Variants in CHST11 observed in about 807,000 individuals in gnomAD.
The protein encoded by CHST11 is carbohydrate sulfotransferase 11, also known as C4S-1.
In CHST11, 9 loss-of-function variants were observed where a neutral mutation model predicts 30.4. The ratio of observed to expected loss-of-function variants is 0.30; its 90% confidence interval spans 0.18 to 0.52. CHST11 has a LOEUF of 0.52. CHST11 is among the 20% of genes least tolerant of loss of function. CHST11 has a pLI of 0.97. For missense variants in CHST11, 348 were observed against 460.6 expected (o/e 0.76, Z 2.24); for synonymous variants, 152 against 187.8 (o/e 0.81, Z 1.56).
intron 2 of CHST11, among the ~76,000 whole-genome samples, chr12:104,670,564 C>CACCCACACATGCACTCACACTCAT (rs1386398343): frequency 1.3e-5 from 2 of 151,686 alleles, no homozygotes; most frequent in African/African-American, 4.9e-5. Flanking sequence ...CACACATACA[C>CACCCACACATGCACTCACACTCAT]ACCCACACAT....
intron 2 of CHST11, among the ~76,000 whole-genome samples, chr12:104,742,245 C>T (rs751143595): frequency 2.0e-5 from 3 of 152,096 alleles, no homozygotes; most frequent in Non-Finnish European, 4.4e-5. Context: ...GGGAAGAGAA[C>T]CAATGAAGCC....
chr12:104,721,197 C>G (rs2040173222), intron 2 of CHST11, among the ~76,000 whole-genome samples: 1 of 152,212 alleles, frequency 6.6e-6, no homozygotes, highest in Non-Finnish European at 1.5e-5. Flanking sequence ...CATCAGGCAT[C>G]ACAGATTTAA....
chr12:104,612,392 A>G (rs2039068709), intron 2 of CHST11, among the ~76,000 whole-genome samples: 1 of 152,120 alleles, frequency 6.6e-6, no homozygotes, highest in African/African-American at 2.4e-5. Flanking sequence ...TCATCTTCAC[A>G]TGGTGCTCCC....
chr12:104,650,018 C>T (rs1359795529), intron 2 of CHST11, among the ~76,000 whole-genome samples: 4 of 152,182 alleles, frequency 2.6e-5, no homozygotes, highest in African/African-American at 9.7e-5. Flanking sequence ...ATTTCCCCCA[C>T]AGTGCAGATG....
At chr12:104,501,852 C>A (rs2037856542) in intron 1 of CHST11, among the ~76,000 whole-genome samples, 1 of 152,172 alleles carries the variant, frequency 6.6e-6, no homozygotes, top group African/African-American at 2.4e-5. Context: ...ATCCAGTAAA[C>A]CCTGGCTTCA....
At chr12:104,698,482 T>C (rs2039966399) in intron 2 of CHST11, among the ~76,000 whole-genome samples, 2 of 152,216 alleles carry the variant, frequency 1.3e-5, no homozygotes, top group South Asian at 4.1e-4. Flanking sequence ...GTTATCTACC[T>C]ATCATCACCT....
At chr12:104,505,125 C>T (rs1016157058) in intron 1 of CHST11, among the ~76,000 whole-genome samples, 33 of 152,190 alleles carry the variant, frequency 2.2e-4, no homozygotes, top group African/African-American at 8.0e-4. Context: ...CCACAAACCC[C>T]AGATTTATGC....
chr12:104,594,932 G>A (rs1426117457), intron 1 of CHST11, among the ~76,000 whole-genome samples: 1 of 152,218 alleles, frequency 6.6e-6, no homozygotes, highest in Non-Finnish European at 1.5e-5. Flanking sequence ...GGATGACAGA[G>A]CGAGACACTG....
intron 2 of CHST11, among the ~76,000 whole-genome samples, chr12:104,634,551 G>T (rs527566213): frequency 6.6e-6 from 1 of 152,132 alleles, no homozygotes; most frequent in Non-Finnish European, 1.5e-5. Context: ...TTTCCAAACC[G>T]CTCCTCGAGG....
At chr12:104,533,111 C>G (rs1453426401) in intron 1 of CHST11, among the ~76,000 whole-genome samples, 1 of 152,132 alleles carries the variant, frequency 6.6e-6, no homozygotes, top group African/African-American at 2.4e-5. Flanking sequence ...CCCAATTACT[C>G]AAACCCCTAT....
chr12:104,672,621 C>T (rs989560960), intron 2 of CHST11, among the ~76,000 whole-genome samples: 2 of 152,174 alleles, frequency 1.3e-5, no homozygotes, highest in Admixed American at 6.5e-5. Flanking sequence ...AAAGGGACCT[C>T]GGGAGGAGTA....
chr12:104,648,797 G>A (rs2039462196), intron 2 of CHST11, among the ~76,000 whole-genome samples: 2 of 152,054 alleles, frequency 1.3e-5, no homozygotes, highest in Admixed American at 6.5e-5. Flanking sequence ...CTGGACAACA[G>A]AGCGAGACTC....
chr12:104,650,145 A>G (rs2695999), intron 2 of CHST11, among the ~76,000 whole-genome samples: 23,978 of 152,218 alleles, frequency 0.16, 2,013 homozygotes, highest in Non-Finnish European at 0.17. Context: ...TACCTACTCT[A>G]TCTTCAGCAC....
At chr12:104,476,287 A>G (rs2037562339) in intron 1 of CHST11, among the ~76,000 whole-genome samples, 1 of 150,530 alleles carries the variant, frequency 6.6e-6, no homozygotes, top group Non-Finnish European at 1.5e-5. Context: ...TGTAGTATAT[A>G]CACATATGTG....
At chr12:104,522,672 T>C (rs1814062672) in intron 1 of CHST11, among the ~76,000 whole-genome samples, 1 of 152,178 alleles carries the variant, frequency 6.6e-6, no homozygotes, top group East Asian at 1.9e-4. Context: ...GGTGGAGGGC[T>C]GGTCTTGCTA....
At chr12:104,466,577 C>A (rs2037461770) in intron 1 of CHST11, among the ~76,000 whole-genome samples, 2 of 152,168 alleles carry the variant, frequency 1.3e-5, no homozygotes, top group African/African-American at 4.8e-5. Context: ...TTTGGGAGAG[C>A]CAAATTCACA....
At chr12:104,547,393 C>T (rs915939660) in intron 1 of CHST11, among the ~76,000 whole-genome samples, 8 of 152,148 alleles carry the variant, frequency 5.3e-5, no homozygotes, top group African/African-American at 1.4e-4. Flanking sequence ...CAGGTTGTGT[C>T]GTCTCAGAGC....
In CHST11 at chr12:104,600,853, T is replaced by C. The variant is rs2038950682; in HGVS notation, c.119-1053T>C. ...TTATTCTTCCCCCATCTCTCTTTTTTCCCTCTCTCCTTCTTTCCTTTCTTC... is the reference window on the plus strand; with the variant it reads ...TTATTCTTCCCCCATCTCTCTTTTTCCCCTCTCTCCTTCTTTCCTTTCTTC... On this transcript the variant is annotated intron_variant, in intron 1 of 2. Coordinates refer to ENST00000303694, the MANE Select transcript of CHST11 (RefSeq NM_018413.6). This position sits in a 1 kb window ranked among gnomAD's most constrained non-coding sequence, Gnocchi z 4.1. Among the ~76,000 whole-genome samples, 1 of 151,732 alleles carries C rather than the reference T, an allele frequency of 6.6e-6. No individual in the cohort carries two copies. Among genetic ancestry groups the C allele is most frequent in the Admixed American group, 6.6e-5 (1 of 15,230 alleles).
intron 1 of CHST11, among the ~76,000 whole-genome samples, chr12:104,474,816 A>G (rs1168086655): frequency 6.6e-6 from 1 of 152,194 alleles, no homozygotes; most frequent in South Asian, 2.1e-4. Context: ...GGGACCCCAC[A>G]TGTGTTACTA....
Sources: allele counts gnomAD v4.1 joint callset (sites outside exome capture counted in the v4.1 genomes callset), GRCh38; gene constraint gnomAD v4.1.1; non-coding constraint Gnocchi (gnomAD v3.1); transcripts MANE v1.5; gene names NCBI Gene and HGNC (gene_info 2026-07-23, HGNC 2026-07-21).